Variants in SELP observed in about 807,000 individuals in gnomAD.
SELP encodes selectin P.
In SELP, 92 loss-of-function variants were observed where a neutral mutation model predicts 104.1. The ratio of observed to expected loss-of-function variants is 0.88; its 90% CI spans 0.75 to 1.05. The LOEUF is 1.05. SELP is among the 50% of genes least tolerant of loss of function. SELP has a pLI of 0.00. For missense variants in SELP, 1,022 were observed against 1,017.3 expected (o/e 1.00, Z -0.06); for synonymous variants, 397 against 364.5 (o/e 1.09, Z -1.01).
Position 169,617,303 on chromosome 1 carries a change from G to C in SELP, c.206C>G (p.Ala69Gly), listed in dbSNP as rs553948727. 1.2e-6 allele frequency: 2 copies of C among 1,614,022 alleles called. No homozygotes were observed. Among genetic ancestry groups the C allele is most frequent in the African/African-American group, 2.7e-5 (2 of 74,972 alleles). ...YCQNRYTDLV[A>G]IQNKNEIDYL... ...ATCAATTTCATTTTTATTCTGGATG[G>C]CCACTAAGTCTGTGTAGCGATTCTG... Residue 69 changes from alanine (A) to glycine (G), a missense_variant, in exon 3 of 17, where the codon GCC becomes GGC. Ala to Gly is a moderately conservative substitution (Grantham distance 60, BLOSUM62 0). Transcript: ENST00000263686.
intron 1 of SELP, among the ~76,000 whole-genome samples, chr1:169,620,775 G>A (rs1663059462): frequency 6.6e-6 from 1 of 150,920 alleles, no homozygotes; most frequent in African/African-American, 2.4e-5. Flanking sequence ...ATGATGTAGG[G>A]TGCATGGGAC....
At chr1:169,604,040 T>C (rs959583745) in intron 9 of SELP, among the ~76,000 whole-genome samples, 1 of 152,238 alleles carries the variant, frequency 6.6e-6, no homozygotes, top group Non-Finnish European at 1.5e-5. Context: ...ACTTCCACCA[T>C]GGTTGAACTA....
intron 3 of SELP, among the ~76,000 whole-genome samples, chr1:169,615,747 G>A (rs1462498434): frequency 2.0e-5 from 3 of 152,104 alleles, no homozygotes; most frequent in African/African-American, 7.2e-5. Context: ...CTGATTATAT[G>A]ATAATGCATT....
intron 7 of SELP, among the ~76,000 whole-genome samples, chr1:169,610,903 C>G (rs1662494409): frequency 6.6e-6 from 1 of 152,146 alleles, no homozygotes; most frequent in Admixed American, 6.5e-5. Context: ...AGTGACTTCT[C>G]TAAAGTCTCA....
At chr1:169,619,444 A>G (rs1662984079) in intron 1 of SELP, among the ~76,000 whole-genome samples, 1 of 152,208 alleles carries the variant, frequency 6.6e-6, no homozygotes, top group Admixed American at 6.5e-5. Context: ...TTCTTCATTC[A>G]TTCAACAAAT....
At chr1:169,589,927 C>T (rs1322269151) in intron 16 of SELP, among the ~76,000 whole-genome samples, 1 of 152,212 alleles carries the variant, frequency 6.6e-6, no homozygotes, top group African/African-American at 2.4e-5. Context: ...CTTGTTAGGA[C>T]ATTTCTGTCC....
intron 10 of SELP, among the ~76,000 whole-genome samples, chr1:169,597,389 TA>T (rs1216019547): frequency 6.6e-6 from 1 of 152,202 alleles, no homozygotes; most frequent in Non-Finnish European, 1.5e-5. Context: ...AGAGTATAGG[TA>T]CAAGTCACGA....
rs1406624945 is a variant in SELP, at chr1:169,611,616, G to A, written c.1023C>T (p.Leu341=). The change falls in exon 7 of 17, where the codon CTC becomes CTT. Residue 341 remains leucine (L), a synonymous_variant. Coordinates refer to ENST00000263686, the MANE Select transcript of SELP (RefSeq NM_003005.4). ...AGCTGGAGCCATAGGCAAAAGCAGTGAGCGGATGAACACAGTCCATGGTTC... is the reference window on the plus strand; with the variant it reads ...AGCTGGAGCCATAGGCAAAAGCAGTAAGCGGATGAACACAGTCCATGGTTC... ...SEGTMDCVHP[L]TAFAYGSSCK... 1 of 1,614,130 alleles carries A rather than the reference G, an allele frequency of 6.2e-7. No homozygotes were observed. The highest frequency in any genetic ancestry group is 8.5e-7 in the Non-Finnish European group (1 of 1,180,004).
At chr1:169,595,824 AGTG>A in intron 12 of SELP, 98 bp downstream of exon 12, 1 of 924,054 alleles carries the variant, frequency 1.1e-6, no homozygotes, top group Non-Finnish European at 1.7e-6. Context: ...CACTTGGAGT[AGTG>A]GTTGTGGTTG....
rs57079522 is a variant in SELP at position 169,621,428 on chromosome 1, T to TTGTG, written c.4-2213_4-2210dup. ...GTAGGGTGCATGGGACAGTGTGAGGTTGTGTGTGTGTGTGTGTGTGTGTGT... is the reference window on the plus strand; with the variant it reads ...GTAGGGTGCATGGGACAGTGTGAGGTTGTGTGTGTGTGTGTGTGTGTGTGTGTGT... On this transcript the variant is annotated intron_variant, in intron 1 of 16. Transcript: ENST00000263686. 3.8e-3 allele frequency among the ~76,000 whole-genome samples: 493 copies of TTGTG among 130,778 alleles called. 5 individuals carry two copies. The highest frequency in any genetic ancestry group is 4.9e-3 in the Non-Finnish European group (305 of 62,298). The allele number at this position is 130,778 out of a possible 152,430, so 85.8% of individuals were successfully genotyped here. A position where few individuals can be genotyped will look rare whatever the true frequency, so the allele number is the denominator to read the frequency against.
In SELP at chr1:169,600,899, C is replaced by T. The variant is rs909588884; in HGVS notation, c.1705+2127G>A. Reference sequence around the variant, plus strand: ...CAAGGGCCATAGTGGGTTAAAGCTGCTGTTCATGGTCAGGGTTGGGTCTTG... The same window carrying T: ...CAAGGGCCATAGTGGGTTAAAGCTGTTGTTCATGGTCAGGGTTGGGTCTTG... On this transcript the variant is annotated intron_variant, in intron 10 of 16. Transcript: ENST00000263686. Among the ~76,000 whole-genome samples, 11 of 152,242 alleles carry T rather than the reference C, an allele frequency of 7.2e-5. 1 individual carries two copies. Among genetic ancestry groups the T allele is most frequent in the South Asian group, 2.1e-4 (1 of 4,830 alleles).
chr1:169,616,073 C>T (rs960478748), intron 3 of SELP, among the ~76,000 whole-genome samples: 4 of 152,218 alleles, frequency 2.6e-5, no homozygotes, highest in East Asian at 1.9e-4. Flanking sequence ...ACACTAGGCT[C>T]GTGACTAGAG....
chr1:169,613,750 G>T, intron 3 of SELP, 57 bp from the exon 4 acceptor site: 1 of 1,465,084 alleles, frequency 6.8e-7, no homozygotes, highest in Non-Finnish European at 9.6e-7. Flanking sequence ...AGGAAAGGCT[G>T]AATTCTCGTT....
chr1:169,591,396 T>G, intron 15 of SELP, 30 bp downstream of exon 15: 2 of 1,516,888 alleles, frequency 1.3e-6, no homozygotes, highest in Non-Finnish European at 1.8e-6. Context: ...GTAGCAAAAT[T>G]TACTCAATCA....
In SELP at chr1:169,611,571, G is replaced by C. The variant is rs186405700; in HGVS notation, c.1068C>G (p.Pro356=). The part of the protein sequence containing the change: ...YGSSCKFECQ[P]GYRVRGLDML... ...TGTCCAAGCCCCTCACTCTGTAGCC[G>C]GGCTGGCACTCAAATTTACAGCTGG... Residue 356 remains proline (P), a synonymous_variant, in exon 7 of 17, where the codon CCC becomes CCG. Transcript: ENST00000263686. 1 of 1,614,000 alleles carries C rather than the reference G, an allele frequency of 6.2e-7. No individual in the cohort carries two copies. The highest frequency in any genetic ancestry group is 1.3e-5 in the African/African-American group (1 of 74,886).
In SELP at chr1:169,617,434, G is replaced by A; in HGVS notation, c.95-20C>T. On this transcript the variant is annotated intron_variant, in intron 2 of 16. Transcript: ENST00000263686. ...TTAGTTCTAGAGTAAAGGAGAGTGA[G>A]TGCCAGGTTAGTACCCCTCACCAAA... is the stretch of plus-strand genomic sequence containing the variant. 6.2e-7 allele frequency: 1 copy of A among 1,609,302 alleles called. No homozygotes were observed. The highest frequency in any genetic ancestry group is 8.5e-7 in the Non-Finnish European group (1 of 1,176,874).
At chr1:169,603,641 A>G (rs1021789243) in intron 9 of SELP, among the ~76,000 whole-genome samples, 1 of 152,160 alleles carries the variant, frequency 6.6e-6, no homozygotes, top group Non-Finnish European at 1.5e-5. Flanking sequence ...AAACAATGAC[A>G]AATGATTGGA....
chr1:169,597,728 A>G (rs1193330647), intron 10 of SELP, among the ~76,000 whole-genome samples: 1 of 152,216 alleles, frequency 6.6e-6, no homozygotes, highest in Non-Finnish European at 1.5e-5. Context: ...CAGATAACAC[A>G]GGAAAACTCA....
chr1:169,625,267 C>T (rs1233745694), intron 1 of SELP, among the ~76,000 whole-genome samples: 1 of 152,184 alleles, frequency 6.6e-6, no homozygotes, highest in African/African-American at 2.4e-5. Flanking sequence ...CTTAGCTCTT[C>T]TGTTGTTCTT....
Sources: allele counts gnomAD v4.1 joint callset (sites outside exome capture counted in the v4.1 genomes callset), GRCh38; gene constraint gnomAD v4.1.1; transcripts MANE v1.5; gene names NCBI Gene and HGNC (gene_info 2026-07-23, HGNC 2026-07-21).